The following FOXO3 variants were observed in gnomAD, a reference collection of about 807,000 sequenced individuals.
The protein encoded by FOXO3 is forkhead box protein O3.
Under a neutral mutation model 41.9 loss-of-function variants are expected in FOXO3, and 4 were observed. That is an observed-to-expected ratio of 0.10 (90% CI 0.05 to 0.22). The LOEUF is 0.22. Ranked by LOEUF, FOXO3 falls within the 10% of genes least tolerant of loss-of-function variation. The pLI is 1.00. For synonymous variants in FOXO3, 318 were observed against 389.3 expected (o/e 0.82, Z 2.16); for missense variants, 534 against 906.8 (o/e 0.59, Z 5.28).
chr6:108,594,639 T>C (rs967080485), intron 1 of FOXO3, among the ~76,000 whole-genome samples: 12 of 152,194 alleles, frequency 7.9e-5, no homozygotes, highest in African/African-American at 2.9e-4. Context: ...TCTAAAAATA[T>C]AGGTGGCAAA....
chr6:108,568,426 T>C (rs1776004845), intron 1 of FOXO3, among the ~76,000 whole-genome samples: 1 of 151,948 alleles, frequency 6.6e-6, no homozygotes, highest in South Asian at 2.1e-4. Context: ...ATCAGCACTC[T>C]CTACTTACCT....
chr6:108,612,240 T>C (rs1385362142), intron 1 of FOXO3, among the ~76,000 whole-genome samples: 2 of 152,228 alleles, frequency 1.3e-5, no homozygotes, highest in African/African-American at 4.8e-5. Context: ...TAAAAATTAG[T>C]TTCCATTTGT....
chr6:108,652,568 G>GA (rs1778575797), intron 1 of FOXO3, among the ~76,000 whole-genome samples: 1 of 152,164 alleles, frequency 6.6e-6, no homozygotes, highest in Non-Finnish European at 1.5e-5. Flanking sequence ...CTTCACTTTT[G>GA]AAGTTAGCCT....
intron 1 of FOXO3, among the ~76,000 whole-genome samples, chr6:108,645,727 TAG>T (rs904372727): frequency 2.0e-5 from 3 of 152,206 alleles, no homozygotes; most frequent in Non-Finnish European, 4.4e-5. Context: ...AGGGTAGGTA[TAG>T]AATATAGGCA....
intron 1 of FOXO3, among the ~76,000 whole-genome samples, chr6:108,633,081 A>G: frequency 6.6e-6 from 1 of 152,210 alleles, no homozygotes; most frequent in African/African-American, 2.4e-5. Flanking sequence ...CTCAATATTC[A>G]AAATACAAAA....
intron 1 of FOXO3, among the ~76,000 whole-genome samples, chr6:108,659,455 T>C (rs1778783121): frequency 6.6e-6 from 1 of 152,234 alleles, no homozygotes; most frequent in Non-Finnish European, 1.5e-5. Context: ...GTGTCAGTTT[T>C]GGCTCTTGTG....
At chr6:108,644,526 G>A (rs1778343307) in intron 1 of FOXO3, among the ~76,000 whole-genome samples, 1 of 152,004 alleles carries the variant, frequency 6.6e-6, no homozygotes, top group South Asian at 2.1e-4. Flanking sequence ...TCTCCTTGAA[G>A]CACTAAACTC....
intron 1 of FOXO3, among the ~76,000 whole-genome samples, chr6:108,573,718 A>G (rs1776176224): frequency 6.6e-6 from 1 of 151,958 alleles, no homozygotes; most frequent in Non-Finnish European, 1.5e-5. Flanking sequence ...AATCCCAGCT[A>G]CTCAGGAGGC....
At chr6:108,610,308 A>G (rs1777324566) in intron 1 of FOXO3, among the ~76,000 whole-genome samples, 1 of 152,170 alleles carries the variant, frequency 6.6e-6, no homozygotes, top group Non-Finnish European at 1.5e-5. Flanking sequence ...AATTGCTTAG[A>G]TTCTGTTAAT....
intron 1 of FOXO3, among the ~76,000 whole-genome samples, chr6:108,565,354 A>C (rs545353118): frequency 1.9e-4 from 29 of 152,220 alleles, no homozygotes; most frequent in Non-Finnish European, 1.9e-4. Flanking sequence ...AGAAATGAAC[A>C]ATCAGATGTG....
intron 1 of FOXO3, among the ~76,000 whole-genome samples, chr6:108,563,805 G>C (rs760460935): frequency 6.6e-6 from 1 of 152,058 alleles, no homozygotes; most frequent in Non-Finnish European, 1.5e-5. Flanking sequence ...TTTTTGGGGG[G>C]AAGATTTACA....
chr6:108,615,345 C>T (rs1777465257), intron 1 of FOXO3, among the ~76,000 whole-genome samples: 1 of 151,994 alleles, frequency 6.6e-6, no homozygotes, highest in South Asian at 2.1e-4. Context: ...ATTTTATCTT[C>T]GTTTTTGAAA....
chr6:108,589,938 A>G (rs1044266625), intron 1 of FOXO3, among the ~76,000 whole-genome samples: 3 of 152,240 alleles, frequency 2.0e-5, no homozygotes, highest in Admixed American at 1.3e-4. Context: ...TTGCAAGAGC[A>G]GGTGCTATTT....
At chr6:108,583,990 G>A (rs764113567) in intron 1 of FOXO3, among the ~76,000 whole-genome samples, 1 of 152,236 alleles carries the variant, frequency 6.6e-6, no homozygotes, top group Non-Finnish European at 1.5e-5. Context: ...TCTGCAGCCT[G>A]TGCTGGTCCA....
At chr6:108,648,533 A>C (rs1177604249) in intron 1 of FOXO3, among the ~76,000 whole-genome samples, 1 of 152,182 alleles carries the variant, frequency 6.6e-6, no homozygotes, top group East Asian at 1.9e-4. Flanking sequence ...TGCTGGAGCC[A>C]TGTATGTCTG....
intron 1 of FOXO3, among the ~76,000 whole-genome samples, chr6:108,606,684 G>C (rs1446753093): frequency 6.6e-6 from 1 of 152,226 alleles, no homozygotes; most frequent in Non-Finnish European, 1.5e-5. Context: ...TTGCCAGCCT[G>C]TTCTGCTTTT....
intron 1 of FOXO3, among the ~76,000 whole-genome samples, chr6:108,584,822 C>T (rs1032171763): frequency 1.3e-5 from 2 of 151,906 alleles, no homozygotes; most frequent in Admixed American, 6.6e-5. Context: ...GATAGCCTTT[C>T]CTAAGGAGCT....
chr6:108,676,453 G>C (rs1305343729), intron 2 of FOXO3, among the ~76,000 whole-genome samples: 1 of 152,000 alleles, frequency 6.6e-6, no homozygotes, highest in Admixed American at 6.6e-5. Context: ...TGTTGCCCAG[G>C]GTGGTCTCCA....
intron 1 of FOXO3, among the ~76,000 whole-genome samples, chr6:108,625,375 C>A (rs1356017242): frequency 1.3e-5 from 2 of 152,220 alleles, no homozygotes; most frequent in East Asian, 3.9e-4. Context: ...GTGATCTCCC[C>A]TTTTGTATAG....
Sources: allele counts gnomAD v4.1 joint callset (sites outside exome capture counted in the v4.1 genomes callset), GRCh38; gene constraint gnomAD v4.1.1; transcripts MANE v1.5; gene names NCBI Gene and HGNC (gene_info 2026-07-23, HGNC 2026-07-21).